ATP8B4: variants seen among roughly 807,000 people sequenced by gnomAD.
ATP8B4 encodes the protein ATPase phospholipid transporting 8B4 (putative).
ATP8B4 carries 133 observed loss-of-function variants against 145.6 expected under a neutral mutation model. That is an observed-to-expected ratio of 0.91 (90% confidence interval 0.79 to 1.05). The LOEUF (loss-of-function observed/expected upper bound fraction) is 1.05. Among genes scored for constraint, ATP8B4 ranks in the 50% least tolerant of loss-of-function variants. The probability of loss-of-function intolerance (pLI) is 0.00; values close to 1 mark genes in which losing one functional copy is unlikely to be tolerated. For missense variants in ATP8B4, 1,458 were observed against 1,425.2 expected (o/e 1.02, Z -0.37); for synonymous variants, 507 against 492.9 (o/e 1.03, Z -0.38).
chr15:49,959,084 A>G (rs867358841), intron 14 of ATP8B4, among the ~76,000 whole-genome samples: 3 of 152,012 alleles, frequency 2.0e-5, no homozygotes, highest in Non-Finnish European at 4.4e-5. Flanking sequence ...GCATTAGTAA[A>G]TAGAATCTAG....
chr15:49,886,355 C>G (rs1483207736), intron 23 of ATP8B4, among the ~76,000 whole-genome samples: 1 of 151,780 alleles, frequency 6.6e-6, no homozygotes, highest in African/African-American at 2.4e-5. Context: ...CACGACAGCA[C>G]CTGAAAGACA....
intron 1 of ATP8B4, among the ~76,000 whole-genome samples, chr15:50,147,762 C>A (rs192964294): frequency 6.6e-6 from 1 of 152,016 alleles, no homozygotes; most frequent in East Asian, 1.9e-4. Flanking sequence ...TATACCCAAC[C>A]TTTAAAGGAG....
intron 1 of ATP8B4, among the ~76,000 whole-genome samples, chr15:50,161,835 A>G (rs2044523725): frequency 6.6e-6 from 1 of 152,102 alleles, no homozygotes; most frequent in Non-Finnish European, 1.5e-5. Flanking sequence ...TTTTCTCTGT[A>G]CCTACTATTA....
intron 14 of ATP8B4, among the ~76,000 whole-genome samples, chr15:49,945,194 A>C (rs1194419310): frequency 6.6e-6 from 1 of 152,152 alleles, no homozygotes; most frequent in East Asian, 1.9e-4. Flanking sequence ...AAAAAACATG[A>C]TGACAGAAAT....
At chr15:50,160,075 C>T (rs374086221) in intron 1 of ATP8B4, among the ~76,000 whole-genome samples, 1 of 64,158 alleles carries the variant, frequency 1.6e-5, no homozygotes, top group Non-Finnish European at 2.9e-5. Flanking sequence ...AATCTCATTG[C>T]TTGTTATTGG....
At position 50,106,940 on chromosome 15, in the gene ATP8B4, A is replaced by G. The variant is rs368913150; in HGVS notation, c.27T>C (p.Arg9=). 73 of 1,597,274 alleles carry G rather than the reference A, an allele frequency of 4.6e-5. No individual in the cohort carries two copies. Among genetic ancestry groups the G allele is most frequent in the Non-Finnish European group, 5.8e-5 (68 of 1,173,614 alleles). The change falls in exon 2 of 28, where the codon CGT becomes CGC. Residue 9 remains arginine, a splice_region_variant and synonymous_variant. Transcript: ENST00000284509. ...TCATTGGAAGAACTCAAAACTTACCACGCAATTTCTTTTCACTGCAGAACA... is the reference window on the plus strand; with the variant it reads ...TCATTGGAAGAACTCAAAACTTACCGCGCAATTTCTTTTCACTGCAGAACA... MFCSEKKL[R]EVERIVKAND... is the part of the protein sequence containing the mutation.
rs540892997 is a variant in ATP8B4, at chr15:49,958,967, A to T, written c.1287+3010T>A. Reference sequence around the variant, plus strand: ...AAAAAGAAGGAAGGATCCCTTATTTATGTTTCTAAAGCAAATATAACATTG... The same window carrying T: ...AAAAAGAAGGAAGGATCCCTTATTTTTGTTTCTAAAGCAAATATAACATTG... On this transcript the variant is annotated intron_variant, in intron 14 of 27. Transcript: ENST00000284509. Among the ~76,000 whole-genome samples the T allele has an allele frequency of 2.7e-4, 41 of 152,048 alleles. 1 individual carries two copies. The highest frequency in any genetic ancestry group is 5.5e-4 in the Non-Finnish European group (37 of 67,860).
chr15:49,984,857 C>T (rs1446502838), intron 10 of ATP8B4, among the ~76,000 whole-genome samples: 3 of 152,102 alleles, frequency 2.0e-5, no homozygotes, highest in African/African-American at 7.2e-5. Context: ...ATGGTACAGA[C>T]TCCTAGAGAC....
chr15:50,099,770 G>A (rs1389441158), intron 2 of ATP8B4, among the ~76,000 whole-genome samples: 1 of 152,160 alleles, frequency 6.6e-6, no homozygotes, highest in Non-Finnish European at 1.5e-5. Context: ...CAGGCGCGGT[G>A]GCTCACGCCT....
At position 49,860,017 on chromosome 15, in the gene ATP8B4, T is replaced by C. The variant is rs2031334026; in HGVS notation, c.*177A>G. ...CCAGACAGTGACCCTCTGGCCTGGT[T>C]TTCCATAGCGCACACTCCTGTTTGA... On this transcript the variant is annotated 3_prime_UTR_variant, in exon 28 of 28. Transcript: ENST00000284509. The C allele has an allele frequency of 2.9e-6, 2 of 682,706 alleles. No individual in the cohort carries two copies. Among genetic ancestry groups the C allele is most frequent in the South Asian group, 5.1e-5 (2 of 39,408 alleles). The allele number at this position is 682,706 out of a possible 1,614,324, so 42.3% of individuals were successfully genotyped here.
chr15:50,021,412 C>G (rs1370218006), intron 6 of ATP8B4, among the ~76,000 whole-genome samples: 2 of 152,314 alleles, frequency 1.3e-5, no homozygotes, highest in South Asian at 2.1e-4. Flanking sequence ...ATCACTACCT[C>G]TAGGAATTGG....
Position 49,858,632 on chromosome 15 carries a change from T to G in ATP8B4, c.*1562A>C, listed in dbSNP as rs1299413973. On this transcript the variant is annotated 3_prime_UTR_variant, in exon 28 of 28. Transcript: ENST00000284509. ...GACCAGATTAAGGACTCTGTAGAAT[T>G]AGAAGTTGATTTGTAGAAAACCATT... 1.3e-5 allele frequency: 2 copies of G among 152,210 alleles called. No individual in the cohort carries two copies. Among genetic ancestry groups the G allele is most frequent in the Non-Finnish European group, 2.9e-5 (2 of 68,034 alleles). 9.4% of individuals were successfully genotyped at this position (152,210 alleles called of 1,614,324 possible).
intron 6 of ATP8B4, among the ~76,000 whole-genome samples, chr15:50,015,107 A>C (rs547731192): frequency 4.6e-5 from 7 of 152,312 alleles, no homozygotes; most frequent in Admixed American, 1.3e-4. Context: ...ATATGTGCTA[A>C]TATGAAATAT....
intron 1 of ATP8B4, among the ~76,000 whole-genome samples, chr15:50,151,406 G>GT (rs1027504901): frequency 3.9e-5 from 6 of 152,190 alleles, no homozygotes; most frequent in African/African-American, 1.4e-4. Flanking sequence ...CTGCCAGAGA[G>GT]TAACAACTTT....
At position 49,872,378 on chromosome 15, in the gene ATP8B4, A is replaced by C. The variant is rs554754577; in HGVS notation, c.3027+3900T>G. Among the ~76,000 whole-genome samples, 382 of 152,290 alleles carry C rather than the reference A, an allele frequency of 2.5e-3. 1 individual carries two copies. Among genetic ancestry groups the C allele is most frequent in the Non-Finnish European group, 4.6e-3 (310 of 68,018 alleles). On this transcript the variant is annotated intron_variant, in intron 25 of 27. Coordinates refer to ENST00000284509, the MANE Select transcript of ATP8B4 (RefSeq NM_024837.4). ...TTTGATACTCCTTCCTCTAGGAGGT[A>C]AAAGTTAATTCTCCTTCTCTTGAAT...
At chr15:50,043,896 T>A (rs1267641352) in intron 5 of ATP8B4, among the ~76,000 whole-genome samples, 1 of 143,718 alleles carries the variant, frequency 7.0e-6, no homozygotes, top group Admixed American at 7.4e-5. Flanking sequence ...GAGCTTGCAG[T>A]GAGCCGAGAT....
At chr15:50,138,326 GTA>G (rs2044155024) in intron 1 of ATP8B4, among the ~76,000 whole-genome samples, 1 of 148,118 alleles carries the variant, frequency 6.8e-6, no homozygotes. Context: ...AGATAGATAG[GTA>G]GATAGATAGA....
Position 50,051,925 on chromosome 15 carries a change from T to C in ATP8B4, c.88-4461A>G, listed in dbSNP as rs557407120. On this transcript the variant is annotated intron_variant, in intron 3 of 27. Coordinates refer to ENST00000284509, the MANE Select transcript of ATP8B4 (RefSeq NM_024837.4). ...TCTCCTATTTGCTTAGCATGACATA[T>C]AGCAATGATTGTGTTTGTTCTACTC... Among the ~76,000 whole-genome samples, 35 of 152,328 alleles carry C rather than the reference T, an allele frequency of 2.3e-4. No homozygotes were observed. In the South Asian group the frequency reaches 7.0e-3, roughly 31 times the overall value.
At chr15:50,056,207 A>G (rs367866709) in intron 3 of ATP8B4, among the ~76,000 whole-genome samples, 41 of 151,416 alleles carry the variant, frequency 2.7e-4, no homozygotes, top group African/African-American at 9.6e-4. Flanking sequence ...ATATCCCCCA[A>G]CATTCATTCA....
Sources: gnomAD v4.1 joint callset for allele counts (sites outside exome capture counted in the v4.1 genomes callset) on GRCh38, gnomAD v4.1.1 for gene constraint, MANE v1.5 for transcripts, NCBI Gene and HGNC (gene_info 2026-07-23, HGNC 2026-07-21) for gene names.